The following PPIL4 variants were observed in gnomAD, a reference collection of about 807,000 sequenced individuals.
PPIL4 encodes peptidyl-prolyl cis-trans isomerase-like 4.
A neutral mutation model predicts 69.1 loss-of-function variants in PPIL4; 50 were observed. The observed-to-expected ratio is 0.72, with a 90% CI of 0.58 to 0.92. PPIL4 has a LOEUF of 0.92. Among genes scored for constraint, PPIL4 ranks in the 40% least tolerant of loss-of-function variants. PPIL4 has a pLI of 0.00. For synonymous variants in PPIL4, 193 were observed against 191.6 expected, an observed-to-expected ratio of 1.01 and a Z score of -0.06; for missense variants, 480 against 587.9, an observed-to-expected ratio of 0.82 and a Z score of 1.90.
At chr6:149,545,218 T>C (rs1054373250) in intron 1 of PPIL4, among the ~76,000 whole-genome samples, 1 of 152,162 alleles carries the variant, frequency 6.6e-6, no homozygotes, top group Non-Finnish European at 1.5e-5. Flanking sequence ...CTCATTCCCA[T>C]TCATCTTTGA....
chr6:149,541,389 G>T lies in PPIL4; in HGVS notation c.181C>A (p.Arg61Ser). Residue 61 changes from arginine to serine, a missense_variant, in exon 3 of 13, where the codon CGT becomes AGT. Arg to Ser is a moderately radical substitution (Grantham distance 110). Coordinates refer to ENST00000253329, the MANE Select transcript of PPIL4 (RefSeq NM_139126.4). ...IQTGDPTGTGRGGESIFGQLY... is the reference protein window; with the variant it reads ...IQTGDPTGTGSGGESIFGQLY... Reference sequence around the variant, plus strand: ...TACCCAAAGATAGACTCTCCTCCACGGCCAGTCCCTGTAGGATCGCCAGTT... The same window carrying T: ...TACCCAAAGATAGACTCTCCTCCACTGCCAGTCCCTGTAGGATCGCCAGTT... 3 of 1,475,028 alleles carry T rather than the reference G, an allele frequency of 2.0e-6. No individual in the cohort carries two copies. Among genetic ancestry groups the T allele is most frequent in the East Asian group, 2.5e-5 (1 of 39,928 alleles). 91.4% of individuals were successfully genotyped at this position (1,475,028 alleles called of 1,614,324 possible).
chr6:149,528,432 T>G (rs898029981), intron 7 of PPIL4, among the ~76,000 whole-genome samples: 2 of 152,160 alleles, frequency 1.3e-5, no homozygotes, highest in African/African-American at 4.8e-5. Context: ...TTTAAAACAT[T>G]CATAAAAGCT....
chr6:149,530,018 C>G (rs905744381), intron 7 of PPIL4, among the ~76,000 whole-genome samples: 1 of 151,878 alleles, frequency 6.6e-6, no homozygotes, highest in African/African-American at 2.4e-5. Flanking sequence ...ACAGGTGGAG[C>G]CCAGGGGATT....
chr6:149,531,007 T>C (rs1223857255), intron 7 of PPIL4, among the ~76,000 whole-genome samples: 3 of 152,164 alleles, frequency 2.0e-5, no homozygotes, highest in African/African-American at 4.8e-5. Flanking sequence ...CACGTACTAT[T>C]TCGGCTGTGG....
intron 11 of PPIL4, 43 bp downstream of exon 11, chr6:149,517,311 G>C: frequency 1.9e-6 from 2 of 1,046,944 alleles, no homozygotes; most frequent in Non-Finnish European, 3.0e-6. Context: ...ACACATAGCA[G>C]ATGGTCAATA....
At chr6:149,513,032 A>G (rs1776879717) in intron 11 of PPIL4, among the ~76,000 whole-genome samples, 1 of 149,158 alleles carries the variant, frequency 6.7e-6, no homozygotes, top group South Asian at 2.2e-4. Flanking sequence ...GTGAGCCACC[A>G]CACCTGCCCA....
chr6:149,510,598 C>T (rs1410692771), intron 12 of PPIL4, among the ~76,000 whole-genome samples: 1 of 151,928 alleles, frequency 6.6e-6, no homozygotes, highest in East Asian at 1.9e-4. Flanking sequence ...AAAAATCAGC[C>T]AGGCATGATG....
intron 4 of PPIL4, among the ~76,000 whole-genome samples, chr6:149,536,856 T>C (rs1175692695): frequency 6.6e-6 from 1 of 152,146 alleles, no homozygotes; most frequent in Non-Finnish European, 1.5e-5. Flanking sequence ...CCAGGTGCAG[T>C]GGCTCACGCC....
intron 8 of PPIL4, among the ~76,000 whole-genome samples, chr6:149,525,479 T>C (rs1777092977): frequency 6.6e-6 from 1 of 152,236 alleles, no homozygotes; most frequent in Non-Finnish European, 1.5e-5. Flanking sequence ...TAAAAATATT[T>C]AATTTTCCTT....
chr6:149,534,611 G>T lies in PPIL4; in HGVS notation c.561+67C>A, dbSNP rs1326047861. ...TCGGAAAAAATTAACTTTAACAGAT[G>T]AAAAAGATAAATCCATACAAATCAT... On this transcript the variant is annotated intron_variant, in intron 6 of 12. Coordinates refer to ENST00000253329, the MANE Select transcript of PPIL4 (RefSeq NM_139126.4). 4.8e-6 allele frequency: 4 copies of T among 832,532 alleles called. No individual in the cohort carries two copies. In the South Asian group the frequency reaches 5.6e-5, roughly 12 times the overall value. 51.6% of individuals were successfully genotyped at this position (832,532 alleles called of 1,614,324 possible).
chr6:149,527,031 AT>A (rs1394310665), intron 7 of PPIL4, among the ~76,000 whole-genome samples: 12 of 152,232 alleles, frequency 7.9e-5, no homozygotes, highest in African/African-American at 2.9e-4. Context: ...TATTACGCTA[AT>A]TCTTGAAACA....
intron 6 of PPIL4, among the ~76,000 whole-genome samples, chr6:149,534,029 A>G (rs1046495276): frequency 1.3e-5 from 2 of 152,108 alleles, no homozygotes; most frequent in Admixed American, 6.5e-5. Context: ...GGTGGCATGC[A>G]CCTACAATCC....
rs1317560185 is a variant in PPIL4 at position 149,533,512 on chromosome 6, T to C, written c.624A>G (p.Val208=). 6.2e-7 allele frequency: 1 copy of C among 1,612,756 alleles called. No homozygotes were observed. Among genetic ancestry groups the C allele is most frequent in the African/African-American group, 1.3e-5 (1 of 75,032 alleles). The change falls in exon 7 of 13, where the codon GTA becomes GTG. Residue 208 remains valine, a synonymous_variant. Transcript: ENST00000253329. Reference sequence around the variant, plus strand: ...CCTCTTTTTCTGCCTTTATTTCTTCTACTTCCTCAGCTGATCTTCCTTTGA... The same window carrying C: ...CCTCTTTTTCTGCCTTTATTTCTTCCACTTCCTCAGCTGATCTTCCTTTGA... ...DDFKGRSAEE[V]EEIKAEKEAK... is the part of the protein sequence containing the mutation.
rs114318084 is a variant in PPIL4 at position 149,536,525 on chromosome 6, C to T, written c.322-787G>A. On this transcript the variant is annotated intron_variant, in intron 4 of 12. Transcript: ENST00000253329. ...TGAATGATAAAATGAAACAGGCTTACTGCTGATATGAAGAAGGTTTTAGTA... is the reference window on the plus strand; with the variant it reads ...TGAATGATAAAATGAAACAGGCTTATTGCTGATATGAAGAAGGTTTTAGTA... 1.6e-3 allele frequency among the ~76,000 whole-genome samples: 238 copies of T among 152,238 alleles called. 1 individual carries two copies. Among genetic ancestry groups the T allele is most frequent in the African/African-American group, 5.4e-3 (223 of 41,546 alleles).
At chr6:149,535,864 A>C (rs1376027106) in intron 4 of PPIL4, 126 bp from the exon 5 acceptor site, 18 of 607,446 alleles carry the variant, frequency 3.0e-5, no homozygotes, top group Non-Finnish European at 4.2e-5. Context: ...ATTCTTAGAC[A>C]CTTGTTACCA....
chr6:149,539,477 T>C (rs1398032995), intron 4 of PPIL4, among the ~76,000 whole-genome samples: 1 of 152,148 alleles, frequency 6.6e-6, no homozygotes, highest in African/African-American at 2.4e-5. Flanking sequence ...TCCTGGGCTC[T>C]AGTGATCCTC....
intron 11 of PPIL4, among the ~76,000 whole-genome samples, chr6:149,515,669 A>G (rs1583204900): frequency 6.6e-6 from 1 of 152,076 alleles, no homozygotes; most frequent in East Asian, 1.9e-4. Context: ...GTATCTGTTG[A>G]TTACTTGTCA....
chr6:149,526,874 A>C (rs1173910521), intron 7 of PPIL4, 98 bp from the exon 8 acceptor site: 1 of 1,181,022 alleles, frequency 8.5e-7, no homozygotes, highest in Non-Finnish European at 1.2e-6. Context: ...AAAACATCTA[A>C]ATTTATGTTA....
intron 7 of PPIL4, among the ~76,000 whole-genome samples, chr6:149,532,311 T>C (rs1777211637): frequency 6.6e-6 from 1 of 152,232 alleles, no homozygotes. Flanking sequence ...AAAAGTATGT[T>C]AATCTATTTT....
Sources: gnomAD v4.1 joint callset for allele counts (sites outside exome capture counted in the v4.1 genomes callset) on GRCh38, gnomAD v4.1.1 for gene constraint, MANE v1.5 for transcripts, NCBI Gene and HGNC (gene_info 2026-07-23, HGNC 2026-07-21) for gene names.